The following SEMA3A variants were observed in gnomAD, a reference collection of about 807,000 sequenced individuals.
SEMA3A encodes the protein semaphorin-3A.
SEMA3A carries 29 observed loss-of-function variants against 97.9 expected under a neutral mutation model. The observed-to-expected ratio is 0.30, with a 90% CI of 0.22 to 0.40. SEMA3A has a LOEUF of 0.40. Among genes scored for constraint, SEMA3A ranks in the 10% least tolerant of loss-of-function variants. SEMA3A has a pLI of 1.00. For missense variants in SEMA3A, 763 were observed against 951.3 expected, an observed-to-expected ratio of 0.80 and a Z score of 2.60; for synonymous variants, 321 against 323.7, an observed-to-expected ratio of 0.99 and a Z score of 0.09.
Position 84,023,427 on chromosome 7 carries a change from T to C in SEMA3A, c.668-9076A>G, listed in dbSNP as rs539560372. Among the ~76,000 whole-genome samples the C allele has an allele frequency of 1.7e-4, 26 of 152,300 alleles. 1 individual carries two copies. The South Asian group carries it at 5.4e-3, about 32-fold the overall frequency. On this transcript the variant is annotated intron_variant, in intron 6 of 16. Coordinates refer to ENST00000265362, the MANE Select transcript of SEMA3A (RefSeq NM_006080.3). ...ATGATTAATTAAGGCATTTGGGGTA[T>C]CTGTAAATTTAAAAGTTGGGATACA...
At chr7:84,091,227 AAAAG>A (rs1794586828) in intron 4 of SEMA3A, among the ~76,000 whole-genome samples, 2 of 89,306 alleles carry the variant, frequency 2.2e-5, no homozygotes, top group South Asian at 6.7e-4. Context: ...GAAAAGAAAG[AAAAG>A]AAAGAAGGAA....
At chr7:84,231,865 C>G (rs1403909841) in intron 3 of SEMA3A, among the ~76,000 whole-genome samples, 1 of 151,774 alleles carries the variant, frequency 6.6e-6, no homozygotes, top group Non-Finnish European at 1.5e-5. Context: ...AATAGCTCTT[C>G]CACTTTGGGA....
At chr7:84,145,443 A>G (rs984990593) in intron 1 of SEMA3A, among the ~76,000 whole-genome samples, 1 of 152,320 alleles carries the variant, frequency 6.6e-6, no homozygotes, top group Admixed American at 6.5e-5. Context: ...ATTTAGAAAA[A>G]GTAAATATAA....
intron 3 of SEMA3A, among the ~76,000 whole-genome samples, chr7:84,295,591 A>T (rs1313647805): frequency 6.6e-6 from 1 of 151,986 alleles, no homozygotes; most frequent in Non-Finnish European, 1.5e-5. Context: ...TCGTCCTTAT[A>T]CTTAAATAAA....
At chr7:84,407,681 G>T (rs1354163941) in intron 1 of SEMA3A, among the ~76,000 whole-genome samples, 3 of 152,082 alleles carry the variant, frequency 2.0e-5, no homozygotes, top group East Asian at 1.9e-4. Flanking sequence ...GCATGGTACT[G>T]GTACCAAAAC....
At chr7:84,137,714 C>T (rs1019552921) in intron 1 of SEMA3A, among the ~76,000 whole-genome samples, 4 of 132,534 alleles carry the variant, frequency 3.0e-5, no homozygotes, top group Non-Finnish European at 6.4e-5. Flanking sequence ...AAAAAAAAGC[C>T]ACCTCAGCCT....
At chr7:84,215,437 C>G (rs530752763) in intron 3 of SEMA3A, among the ~76,000 whole-genome samples, 14 of 152,160 alleles carry the variant, frequency 9.2e-5, no homozygotes, top group South Asian at 8.3e-4. Context: ...ATCCGCCCCC[C>G]CCTTGGCCTC....
At chr7:84,129,470 G>A (rs1230478891) in intron 2 of SEMA3A, among the ~76,000 whole-genome samples, 1 of 152,170 alleles carries the variant, frequency 6.6e-6, no homozygotes, top group Non-Finnish European at 1.5e-5. Context: ...GCAAGAACTA[G>A]CACACAGATT....
chr7:84,374,853 T>C (rs1803059239), intron 1 of SEMA3A, among the ~76,000 whole-genome samples: 1 of 152,100 alleles, frequency 6.6e-6, no homozygotes, highest in Non-Finnish European at 1.5e-5. Flanking sequence ...TTAACTGTGC[T>C]TGTGAGATGT....
At chr7:84,306,042 C>A (rs1801145767) in intron 3 of SEMA3A, among the ~76,000 whole-genome samples, 1 of 151,444 alleles carries the variant, frequency 6.6e-6, no homozygotes, top group African/African-American at 2.4e-5. Context: ...TAGTGCTCTA[C>A]CAATTCTAAA....
intron 3 of SEMA3A, among the ~76,000 whole-genome samples, chr7:84,305,072 A>G (rs1026623179): frequency 6.6e-6 from 1 of 151,982 alleles, no homozygotes; most frequent in Non-Finnish European, 1.5e-5. Context: ...GAGGAAATAA[A>G]TGTATCATGG....
chr7:84,309,400 A>C (rs1801257603), intron 2 of SEMA3A, among the ~76,000 whole-genome samples: 1 of 152,180 alleles, frequency 6.6e-6, no homozygotes, highest in African/African-American at 2.4e-5. Flanking sequence ...CTAAGCAGAC[A>C]ATAGTGATGA....
At chr7:84,120,563 C>T (rs890319124) in intron 3 of SEMA3A, among the ~76,000 whole-genome samples, 1 of 152,104 alleles carries the variant, frequency 6.6e-6, no homozygotes, top group African/African-American at 2.4e-5. Context: ...TACACAGGTA[C>T]ATACATATGA....
rs150341577 is a variant in SEMA3A, at chr7:84,186,702, T to A, written c.112+7773A>T. On this transcript the variant is annotated intron_variant, in intron 1 of 16. Transcript: ENST00000265362. ...ATAATAACAATGCTGCTAGTAGTTG[T>A]CCCATTGTCCTTTCCTGGCAATATT... is the stretch of plus-strand genomic sequence containing the variant. Among the ~76,000 whole-genome samples the A allele has an allele frequency of 3.8e-3, 582 of 151,908 alleles. 8 individuals carry two copies. Among genetic ancestry groups the A allele is most frequent in the African/African-American group, 0.013 (559 of 41,412 alleles).
chr7:83,974,969 G>A (rs961517697), intron 15 of SEMA3A, among the ~76,000 whole-genome samples: 8 of 152,038 alleles, frequency 5.3e-5, no homozygotes, highest in African/African-American at 9.7e-5. Flanking sequence ...TGCATCTGAC[G>A]TAAGAATCAG....
At chr7:83,980,617 A>ACAAAAAC in intron 14 of SEMA3A, among the ~76,000 whole-genome samples, 1 of 83,630 alleles carries the variant, frequency 1.2e-5, no homozygotes, top group African/African-American at 5.2e-5. Context: ...AAAAAAAAAA[A>ACAAAAAC]AAAAAAATAT....
chr7:84,057,444 A>C (rs1793032127), intron 5 of SEMA3A, among the ~76,000 whole-genome samples: 2 of 152,136 alleles, frequency 1.3e-5, no homozygotes, highest in Non-Finnish European at 2.9e-5. Flanking sequence ...TCATAAAAAA[A>C]ATTTGCAGGT....
chr7:84,424,943 AT>A (rs1260212035), intron 1 of SEMA3A, among the ~76,000 whole-genome samples: 2 of 97,092 alleles, frequency 2.1e-5, no homozygotes, highest in African/African-American at 4.8e-5. Flanking sequence ...ATATAAATAT[AT>A]ATTTATAATT....
At chr7:84,128,538 A>T (rs993728921) in intron 3 of SEMA3A, among the ~76,000 whole-genome samples, 2 of 152,160 alleles carry the variant, frequency 1.3e-5, no homozygotes, top group African/African-American at 4.8e-5. Flanking sequence ...CAAAGAGACC[A>T]TATTTTTGCT....
Sources: gnomAD v4.1 joint callset for allele counts (sites outside exome capture counted in the v4.1 genomes callset) on GRCh38, gnomAD v4.1.1 for gene constraint, MANE v1.5 for transcripts, NCBI Gene and HGNC (gene_info 2026-07-23, HGNC 2026-07-21) for gene names.